The following OR1J2 variants were observed in gnomAD, a reference collection of about 807,000 sequenced individuals.
The protein encoded by OR1J2 is olfactory receptor 1J2.
For synonymous variants in OR1J2, 142 were observed against 99.7 expected, an observed-to-expected ratio of 1.42 and a Z score of -2.52; for missense variants, 304 against 246.1, an observed-to-expected ratio of 1.24 and a Z score of -1.57.
At chr9:122,466,404 A>G in the OR1J2 span, among the ~76,000 whole-genome samples, 306 of 152,330 alleles carry the variant, frequency 2.0e-3, 1 homozygote, top group African/African-American at 6.8e-3. Flanking sequence ...AATCTACTCA[A>G]GTAGGCTGTA....
At chr9:122,475,768 A>G in the OR1J2 span, 1 of 152,222 alleles carries the variant, frequency 6.6e-6, no homozygotes, top group South Asian at 2.1e-4. Context: ...TCATCAGAAC[A>G]AGATAAAACC....
the OR1J2 span, among the ~76,000 whole-genome samples, chr9:122,460,366 G>A: frequency 2.6e-5 from 4 of 152,150 alleles, no homozygotes; most frequent in South Asian, 8.3e-4. Flanking sequence ...TTGTTGAATA[G>A]GGTGTCCTTT....
the OR1J2 span, among the ~76,000 whole-genome samples, chr9:122,575,433 A>G: frequency 0.05 from 7,539 of 152,092 alleles, 295 homozygotes; most frequent in South Asian, 0.17. Flanking sequence ...TTGACATATC[A>G]TGTCTTTCAA....
the OR1J2 span, chr9:122,519,104 A>G: frequency 4.8e-5 from 68 of 1,416,568 alleles, no homozygotes; most frequent in African/African-American, 7.1e-5. Context: ...GCCTTTTTCA[A>G]TGTCCCTCTA....
chr9:122,579,113 G>A, the OR1J2 span, among the ~76,000 whole-genome samples: 3 of 151,928 alleles, frequency 2.0e-5, no homozygotes, highest in South Asian at 2.1e-4. Context: ...GATAGTACAC[G>A]TAAGAGAAAC....
chr9:122,521,283 C>A, the OR1J2 span, among the ~76,000 whole-genome samples: 5 of 152,178 alleles, frequency 3.3e-5, no homozygotes, highest in African/African-American at 1.2e-4. Context: ...ATTATGGTGA[C>A]CATGGGCAGC....
the OR1J2 span, chr9:122,553,654 T>C: frequency 1.9e-6 from 3 of 1,614,170 alleles, no homozygotes; most frequent in South Asian, 3.3e-5. Context: ...GCACTAATGC[T>C]GGGTGTGTGC....
At chr9:122,476,917 A>G in the OR1J2 span, 1 of 856,056 alleles carries the variant, frequency 1.2e-6, no homozygotes, top group Non-Finnish European at 1.9e-6. Flanking sequence ...CATGTTGGCC[A>G]GGCTGGTCTC....
the OR1J2 span, among the ~76,000 whole-genome samples, chr9:122,457,817 G>A: frequency 1.1e-4 from 17 of 152,124 alleles, no homozygotes; most frequent in African/African-American, 3.9e-4. Flanking sequence ...TTTTGTTTGC[G>A]ACTTATTAGT....
chr9:122,567,869 T>C, the OR1J2 span: 74 of 1,613,946 alleles, frequency 4.6e-5, no homozygotes, highest in Non-Finnish European at 6.0e-5. Context: ...CAATAGGTGC[T>C]TCTGTCATCT....
At chr9:122,491,048 T>C in the OR1J2 span, among the ~76,000 whole-genome samples, 9 of 152,274 alleles carry the variant, frequency 5.9e-5, no homozygotes, top group Middle Eastern at 3.4e-3. Flanking sequence ...GTGACCATGA[T>C]GTTAGAACTA....
the OR1J2 span, chr9:122,519,282 C>T: frequency 9.7e-5 from 156 of 1,613,908 alleles, no homozygotes; most frequent in Non-Finnish European, 1.3e-4. Context: ...CATCATCCTG[C>T]TCATCCGGCT....
chr9:122,520,512 C>T, the OR1J2 span, among the ~76,000 whole-genome samples: 9 of 152,104 alleles, frequency 5.9e-5, no homozygotes, highest in Non-Finnish European at 1.2e-4. Context: ...GGAGAAGAAA[C>T]TATATAGTAC....
At chr9:122,527,062 T>G in the OR1J2 span, 1 of 1,614,212 alleles carries the variant, frequency 6.2e-7, no homozygotes, top group Non-Finnish European at 8.5e-7. Context: ...ACCAGCATCT[T>G]GGTAACTGTG....
chr9:122,448,704 A>G, the OR1J2 span, among the ~76,000 whole-genome samples: 1 of 152,186 alleles, frequency 6.6e-6, no homozygotes, highest in Non-Finnish European at 1.5e-5. Flanking sequence ...ACTGCCTGTA[A>G]ACATACTGTT....
the OR1J2 span, among the ~76,000 whole-genome samples, chr9:122,540,412 G>T: frequency 6.6e-6 from 1 of 152,180 alleles, no homozygotes; most frequent in Non-Finnish European, 1.5e-5. Flanking sequence ...GTTTGTCAAA[G>T]ATCAGATAGT....
the OR1J2 span, among the ~76,000 whole-genome samples, chr9:122,483,810 T>G: frequency 6.6e-6 from 1 of 152,176 alleles, no homozygotes; most frequent in Admixed American, 6.5e-5. Flanking sequence ...AACTAAGTAA[T>G]TAAGGTATTT....
At chr9:122,575,690 G>C in the OR1J2 span, among the ~76,000 whole-genome samples, 1 of 152,154 alleles carries the variant, frequency 6.6e-6, no homozygotes, top group East Asian at 1.9e-4. Flanking sequence ...TACATATAGA[G>C]AGTAAAGTGG....
the OR1J2 span, among the ~76,000 whole-genome samples, chr9:122,492,621 G>T: frequency 6.6e-6 from 1 of 152,106 alleles, no homozygotes; most frequent in African/African-American, 2.4e-5. Context: ...CACTAACAGT[G>T]TATAAACATT....
Sources: allele counts gnomAD v4.1 joint callset (sites outside exome capture counted in the v4.1 genomes callset), GRCh38; gene constraint gnomAD v4.1.1; transcripts MANE v1.5; gene names NCBI Gene and HGNC (gene_info 2026-07-23, HGNC 2026-07-21).